The following PTPRR variants were observed in gnomAD, a reference collection of about 807,000 sequenced individuals.
The protein encoded by PTPRR is protein tyrosine phosphatase receptor type R.
Under a neutral mutation model 77.2 loss-of-function variants are expected in PTPRR, and 38 were observed. The observed-to-expected ratio is 0.49, with a 90% confidence interval of 0.38 to 0.65. PTPRR has a LOEUF of 0.65. PTPRR is among the 30% of genes least tolerant of loss of function. The pLI is 0.00. For missense variants in PTPRR, 744 were observed against 799.2 expected (o/e 0.93, Z 0.83); for synonymous variants, 299 against 283.1 (o/e 1.06, Z -0.57).
chr12:70,869,142 A>G (rs1304772053), intron 2 of PTPRR, among the ~76,000 whole-genome samples: 1 of 151,820 alleles, frequency 6.6e-6, no homozygotes, highest in Admixed American at 6.6e-5. Context: ...TATGTAACAA[A>G]CCTGCACATT....
intron 2 of PTPRR, among the ~76,000 whole-genome samples, chr12:70,864,457 C>A (rs781487461): frequency 1.3e-5 from 2 of 152,170 alleles, no homozygotes; most frequent in African/African-American, 2.4e-5. Context: ...GAGGCAGGCA[C>A]TCACAATGAA....
intron 13 of PTPRR, among the ~76,000 whole-genome samples, chr12:70,654,320 A>G (rs1019994421): frequency 2.0e-5 from 3 of 152,174 alleles, no homozygotes; most frequent in African/African-American, 4.8e-5. Context: ...GCTCACACCT[A>G]CAATCCCGGC....
intron 2 of PTPRR, among the ~76,000 whole-genome samples, chr12:70,835,472 G>A (rs748308821): frequency 4.6e-5 from 7 of 152,044 alleles, no homozygotes; most frequent in Non-Finnish European, 1.0e-4. Context: ...GAGAGATATG[G>A]CCTGAATACC....
intron 2 of PTPRR, among the ~76,000 whole-genome samples, chr12:70,793,171 C>G (rs570934428): frequency 6.6e-6 from 1 of 152,272 alleles, no homozygotes; most frequent in South Asian, 2.1e-4. Flanking sequence ...ACAGCAGAAA[C>G]AATAGCAAAT....
intron 1 of PTPRR, among the ~76,000 whole-genome samples, chr12:70,919,673 G>GTTTTTTTTTTTTTTT (rs58439089): frequency 4.5e-5 from 5 of 110,078 alleles, no homozygotes; most frequent in Admixed American, 1.1e-4. Context: ...AACTGTAATT[G>GTTTTTTTTTTTTTTT]TTTTTTTTTT....
chr12:70,876,623 C>T (rs1893056296), intron 2 of PTPRR, among the ~76,000 whole-genome samples: 1 of 152,122 alleles, frequency 6.6e-6, no homozygotes, highest in Admixed American at 6.5e-5. Context: ...ATTTACATCC[C>T]TACATGAGTG....
intron 2 of PTPRR, among the ~76,000 whole-genome samples, chr12:70,885,903 CA>C (rs1893233007): frequency 6.6e-6 from 1 of 152,148 alleles, no homozygotes; most frequent in African/African-American, 2.4e-5. Flanking sequence ...TATGAAAATG[CA>C]TAATTTTTGG....
chr12:70,815,963 A>T (rs1450992288), intron 2 of PTPRR, among the ~76,000 whole-genome samples: 1 of 152,018 alleles, frequency 6.6e-6, no homozygotes, highest in Admixed American at 6.5e-5. Flanking sequence ...TCCTTGTCAC[A>T]TATTGCGATG....
At chr12:70,690,636 G>A (rs1888023645) in intron 8 of PTPRR, among the ~76,000 whole-genome samples, 1 of 152,110 alleles carries the variant, frequency 6.6e-6, no homozygotes, top group Admixed American at 6.6e-5. Flanking sequence ...ACATGGCCTG[G>A]ACAGAAGTCT....
intron 2 of PTPRR, among the ~76,000 whole-genome samples, chr12:70,868,748 T>G (rs1170313662): frequency 6.6e-6 from 1 of 152,094 alleles, no homozygotes; most frequent in Admixed American, 6.6e-5. Context: ...GTATGTTGAT[T>G]GCAGCACTAT....
intron 2 of PTPRR, among the ~76,000 whole-genome samples, chr12:70,837,432 A>T (rs1892323455): frequency 6.6e-6 from 1 of 151,990 alleles, no homozygotes; most frequent in Admixed American, 6.6e-5. Flanking sequence ...CAAACAAACA[A>T]TTTCTTCTAC....
chr12:70,753,848 G>T (rs1375501531), intron 5 of PTPRR, among the ~76,000 whole-genome samples: 1 of 152,136 alleles, frequency 6.6e-6, no homozygotes, highest in Middle Eastern at 3.4e-3. Context: ...TGATATAAAA[G>T]GAGAAATAAA....
At position 70,702,515 on chromosome 12, in the gene PTPRR, G is replaced by A. The variant is rs187742090; in HGVS notation, c.1008-1192C>T. On this transcript the variant is annotated intron_variant, in intron 6 of 13. Transcript: ENST00000283228. ...CTCTGGTATTTTAATACTTACTCTGGAATGCGACATTAAGAAATATTACAG... is the reference window on the plus strand; with the variant it reads ...CTCTGGTATTTTAATACTTACTCTGAAATGCGACATTAAGAAATATTACAG... Among the ~76,000 whole-genome samples the A allele has an allele frequency of 5.9e-5, 9 of 152,194 alleles. No individual in the cohort carries two copies. In the East Asian group the frequency reaches 1.4e-3, roughly 23 times the overall value.
chr12:70,704,891 G>A (rs758518988), intron 6 of PTPRR, among the ~76,000 whole-genome samples: 3 of 152,036 alleles, frequency 2.0e-5, no homozygotes, highest in Admixed American at 2.0e-4. Flanking sequence ...TGGAACTGTG[G>A]GCAAACTGTT....
At chr12:70,892,353 G>A (rs1893352177) in intron 2 of PTPRR, among the ~76,000 whole-genome samples, 1 of 151,992 alleles carries the variant, frequency 6.6e-6, no homozygotes. Flanking sequence ...TCTCACAGAA[G>A]GTAGGAGGCT....
chr12:70,820,931 A>T (rs1225814527), intron 2 of PTPRR, among the ~76,000 whole-genome samples: 1 of 152,194 alleles, frequency 6.6e-6, no homozygotes, highest in Non-Finnish European at 1.5e-5. Flanking sequence ...TCTTTGTTGT[A>T]TTCAGAGTTA....
intron 8 of PTPRR, among the ~76,000 whole-genome samples, chr12:70,696,679 T>C (rs569752563): frequency 1.3e-5 from 2 of 152,142 alleles, no homozygotes; most frequent in Non-Finnish European, 2.9e-5. Flanking sequence ...TTTTTTAAAT[T>C]TTCACAGAGC....
chr12:70,899,206 C>G (rs142274935), intron 1 of PTPRR, among the ~76,000 whole-genome samples: 112 of 151,316 alleles, frequency 7.4e-4, no homozygotes, highest in African/African-American at 2.6e-3. Context: ...GGAACATTCA[C>G]CGAAATCATC....
At position 70,777,519 on chromosome 12, in the gene PTPRR, C is replaced by T. The variant is rs546681430; in HGVS notation, c.358-12741G>A. Among the ~76,000 whole-genome samples the T allele has an allele frequency of 3.7e-4, 57 of 152,162 alleles. 1 individual carries two copies. In the South Asian group the frequency reaches 3.9e-3, roughly 11 times the overall value. On this transcript the variant is annotated intron_variant, in intron 2 of 13. Coordinates refer to ENST00000283228, the MANE Select transcript of PTPRR (RefSeq NM_002849.4). ...TCTTCCCACCAATTCTCATAACCTC[C>T]CAGTTTTTGTAATTATATTATTATT...
Sources: gnomAD v4.1 joint callset for allele counts (sites outside exome capture counted in the v4.1 genomes callset) on GRCh38, gnomAD v4.1.1 for gene constraint, MANE v1.5 for transcripts, NCBI Gene and HGNC (gene_info 2026-07-23, HGNC 2026-07-21) for gene names.